The following SEMA3A variants were observed in gnomAD, a reference collection of about 807,000 sequenced individuals.
SEMA3A encodes the protein semaphorin 3A, also known as semaphorin-3A.
In SEMA3A, 29 loss-of-function variants were observed where a neutral mutation model predicts 97.9. The observed-to-expected ratio is 0.30, with a 90% CI of 0.22 to 0.40. The LOEUF is 0.40. Among genes scored for constraint, SEMA3A ranks in the 10% least tolerant of loss-of-function variants. SEMA3A has a pLI of 1.00. For missense variants in SEMA3A, 763 were observed against 951.3 expected (o/e 0.80, Z 2.60); for synonymous variants, 321 against 323.7 (o/e 0.99, Z 0.09).
At chr7:84,144,496 G>A (rs1796407505) in intron 1 of SEMA3A, among the ~76,000 whole-genome samples, 1 of 152,046 alleles carries the variant, frequency 6.6e-6, no homozygotes, top group Non-Finnish European at 1.5e-5. Flanking sequence ...TGAATCTACA[G>A]ATCGAAAAGT....
At chr7:84,144,713 G>C (rs1796413365) in intron 1 of SEMA3A, among the ~76,000 whole-genome samples, 1 of 152,132 alleles carries the variant, frequency 6.6e-6, no homozygotes, top group African/African-American at 2.4e-5. Flanking sequence ...TTTCAAATGA[G>C]AGAGGCATCT....
chr7:84,155,083 T>C (rs1032990929), intron 1 of SEMA3A, among the ~76,000 whole-genome samples: 6 of 152,096 alleles, frequency 3.9e-5, no homozygotes, highest in Non-Finnish European at 8.8e-5. Flanking sequence ...GTGCAAGATA[T>C]TGCATTTTAC....
At chr7:84,261,385 G>A (rs538115878) in intron 3 of SEMA3A, among the ~76,000 whole-genome samples, 5 of 152,264 alleles carry the variant, frequency 3.3e-5, no homozygotes, top group African/African-American at 7.2e-5. Flanking sequence ...AAACCCCCTT[G>A]CTGACCACAT....
chr7:84,123,700 A>G (rs1315484127), intron 3 of SEMA3A, among the ~76,000 whole-genome samples: 1 of 148,666 alleles, frequency 6.7e-6, no homozygotes, highest in Non-Finnish European at 1.5e-5. Flanking sequence ...TCAGATAAAC[A>G]TATATTTTAT....
chr7:84,208,270 G>T (rs1584126277), intron 3 of SEMA3A, among the ~76,000 whole-genome samples: 1 of 152,030 alleles, frequency 6.6e-6, no homozygotes, highest in East Asian at 1.9e-4. Flanking sequence ...GGCTAACATG[G>T]TGAAACCCCG....
At chr7:84,360,805 A>AT (rs1440781077) in intron 2 of SEMA3A, among the ~76,000 whole-genome samples, 30 of 151,328 alleles carry the variant, frequency 2.0e-4, no homozygotes, top group African/African-American at 2.4e-5. Context: ...TTTATTTTTT[A>AT]TTTTTTTTGA....
intron 12 of SEMA3A, among the ~76,000 whole-genome samples, chr7:83,996,951 G>A (rs1623312): frequency 0.76 from 114,804 of 151,974 alleles, 43,527 homozygotes; most frequent in East Asian, 0.89. Context: ...TACTCTGATC[G>A]AGATTTGATT....
Position 83,996,482 on chromosome 7 carries a change from T to C in SEMA3A, c.1452+5473A>G, listed in dbSNP as rs192367625. On this transcript the variant is annotated intron_variant, in intron 12 of 16. Transcript: ENST00000265362. ...CACGCCAGGCTAATTTTTGTATTGTTAGTAGAGACGGGGTTTCATTATGTT... is the reference window on the plus strand; with the variant it reads ...CACGCCAGGCTAATTTTTGTATTGTCAGTAGAGACGGGGTTTCATTATGTT... Among the ~76,000 whole-genome samples, 637 of 152,158 alleles carry C rather than the reference T, an allele frequency of 4.2e-3. 5 individuals are homozygous for C. The highest frequency in any genetic ancestry group is 0.015 in the African/African-American group (606 of 41,512).
chr7:84,348,853 AG>A (rs1802369781), intron 2 of SEMA3A, among the ~76,000 whole-genome samples: 1 of 152,134 alleles, frequency 6.6e-6, no homozygotes, highest in African/African-American at 2.4e-5. Flanking sequence ...GCATGGTGGC[AG>A]GTGCCTGTGA....
In SEMA3A at chr7:83,986,475, G is replaced by A. The variant is rs147761258; in HGVS notation, c.1453-998C>T. Among the ~76,000 whole-genome samples the A allele has an allele frequency of 3.3e-3, 506 of 152,230 alleles. 6 individuals carry two copies. Among genetic ancestry groups the A allele is most frequent in the African/African-American group, 0.011 (469 of 41,536 alleles). On this transcript the variant is annotated intron_variant, in intron 12 of 16. Transcript: ENST00000265362. ...TAAATAAATTGGGTTCTTTGATGTA[G>A]ACAGACTACCAAAAGCCTATATAAC... is the stretch of plus-strand genomic sequence containing the variant.
chr7:84,171,021 C>T (rs1584076575), intron 1 of SEMA3A, among the ~76,000 whole-genome samples: 1 of 151,802 alleles, frequency 6.6e-6, no homozygotes, highest in Non-Finnish European at 1.5e-5. Context: ...TGAGTTCTAT[C>T]GATTTTTGGC....
chr7:84,176,093 T>A (rs1009708624), intron 1 of SEMA3A, among the ~76,000 whole-genome samples: 9 of 151,138 alleles, frequency 6.0e-5, no homozygotes, highest in African/African-American at 2.2e-4. Context: ...TTATGTCTAT[T>A]TAGTGGTTTC....
chr7:84,288,211 T>C (rs1016145205), intron 3 of SEMA3A, among the ~76,000 whole-genome samples: 1 of 152,120 alleles, frequency 6.6e-6, no homozygotes, highest in African/African-American at 2.4e-5. Flanking sequence ...TCAGCTTCCC[T>C]AGTAGCTGGG....
chr7:84,307,162 T>C (rs1359395828), intron 3 of SEMA3A: 4 of 152,160 alleles, frequency 2.6e-5, no homozygotes, highest in Admixed American at 2.6e-4. Flanking sequence ...AAATTTTCAC[T>C]AAAACTTATT....
chr7:84,351,495 T>C (rs1802437492), intron 2 of SEMA3A, among the ~76,000 whole-genome samples: 2 of 151,742 alleles, frequency 1.3e-5, no homozygotes, highest in Admixed American at 1.3e-4. Context: ...AACCAGAATA[T>C]ATAAGGAGCT....
At chr7:84,187,479 T>C (rs1007737541) in intron 1 of SEMA3A, among the ~76,000 whole-genome samples, 1 of 152,078 alleles carries the variant, frequency 6.6e-6, no homozygotes, top group African/African-American at 2.4e-5. Flanking sequence ...ATGTTTCCTA[T>C]CTCTTAGCTG....
chr7:84,150,287 G>T (rs1440154729), intron 1 of SEMA3A, among the ~76,000 whole-genome samples: 3 of 152,188 alleles, frequency 2.0e-5, no homozygotes, highest in African/African-American at 7.2e-5. Context: ...CAGCGTGAGC[G>T]ACGCAGAAGA....
At chr7:84,412,703 C>T (rs1287702284) in intron 1 of SEMA3A, among the ~76,000 whole-genome samples, 1 of 152,110 alleles carries the variant, frequency 6.6e-6, no homozygotes, top group African/African-American at 2.4e-5. Flanking sequence ...GAAAGCAAGC[C>T]TTTTTATTTG....
chr7:83,968,423 CTA>C (rs1452255153), intron 15 of SEMA3A, among the ~76,000 whole-genome samples: 6 of 152,164 alleles, frequency 3.9e-5, no homozygotes, highest in Non-Finnish European at 7.4e-5. Context: ...AGTGTTTACT[CTA>C]TGTTTACTTT....
Sources: allele counts gnomAD v4.1 joint callset (sites outside exome capture counted in the v4.1 genomes callset), GRCh38; gene constraint gnomAD v4.1.1; transcripts MANE v1.5; gene names NCBI Gene and HGNC (gene_info 2026-07-23, HGNC 2026-07-21).